The following BANF2 variants were observed in gnomAD, a reference collection of about 807,000 sequenced individuals.
BANF2 encodes the protein barrier-to-autointegration factor-like protein.
BANF2 carries 4 observed loss-of-function variants against 8.0 expected under a neutral mutation model. The ratio of observed to expected loss-of-function variants is 0.50; its 90% CI spans 0.25 to 1.14. The LOEUF (loss-of-function observed/expected upper bound fraction) is 1.14. Ranked by LOEUF, BANF2 falls within the 50% of genes most tolerant of loss-of-function variation. BANF2 has a pLI of 0.16. For synonymous variants in BANF2, 50 were observed against 40.6 expected, an observed-to-expected ratio of 1.23 and a Z score of -0.88; for missense variants, 96 against 107.5, an observed-to-expected ratio of 0.89 and a Z score of 0.47.
intron 1 of BANF2, among the ~76,000 whole-genome samples, chr20:17,714,656 A>G (rs193250531): frequency 2.4e-4 from 36 of 152,022 alleles, no homozygotes; most frequent in Admixed American, 2.6e-4. Flanking sequence ...CTGGGGCCAG[A>G]AGTTCTAGGG....
intron 1 of BANF2, chr20:17,712,604 G>A: frequency 1.1e-6 from 1 of 904,574 alleles, no homozygotes; most frequent in Non-Finnish European, 1.3e-6. Flanking sequence ...ACCTTCCCTG[G>A]GAGGGTAGTG....
At chr20:17,722,560 T>G (rs2037747580) in intron 1 of BANF2, among the ~76,000 whole-genome samples, 156 bp from the exon 2 acceptor site, 1 of 152,244 alleles carries the variant, frequency 6.6e-6, no homozygotes, top group African/African-American at 2.4e-5. Flanking sequence ...AACACCATCT[T>G]GTACTTACGA....
At chr20:17,729,701 C>T (rs951736871) in intron 3 of BANF2, among the ~76,000 whole-genome samples, 1 of 152,088 alleles carries the variant, frequency 6.6e-6, no homozygotes, top group African/African-American at 2.4e-5. Context: ...GCACCACTGC[C>T]CTCCAGTCTG....
chr20:17,701,323 G>A (rs2122565293), intron 1 of BANF2, among the ~76,000 whole-genome samples: 1 of 152,316 alleles, frequency 6.6e-6, no homozygotes, highest in African/African-American at 2.4e-5. Flanking sequence ...CACCAGCTAT[G>A]TTATTGCTCT....
intron 1 of BANF2, among the ~76,000 whole-genome samples, chr20:17,708,046 C>CAAA (rs1491179991): frequency 4.7e-4 from 52 of 111,760 alleles, no homozygotes; most frequent in South Asian, 6.5e-4. Context: ...TACTAAAAAT[C>CAAA]AAAAAAAAAA....
chr20:17,730,538 C>T (rs1433703216), intron 3 of BANF2, among the ~76,000 whole-genome samples: 1 of 152,210 alleles, frequency 6.6e-6, no homozygotes, highest in Non-Finnish European at 1.5e-5. Context: ...CACTTCCTTA[C>T]AGGCGGGGCT....
chr20:17,732,721 T>A (rs1426582692), intron 3 of BANF2, among the ~76,000 whole-genome samples: 1 of 152,206 alleles, frequency 6.6e-6, no homozygotes, highest in East Asian at 1.9e-4. Flanking sequence ...CCACGGCCAC[T>A]GTCCAGAGTG....
At chr20:17,697,761 G>A (rs753785837), upstream of BANF2, among the ~76,000 whole-genome samples, 8 of 152,028 alleles carry the variant, frequency 5.3e-5, no homozygotes, top group Non-Finnish European at 7.4e-5. Context: ...TTGAATATTC[G>A]TCCCCTCCAA....
chr20:17,707,744 T>C (rs1056017570), intron 1 of BANF2, among the ~76,000 whole-genome samples: 5 of 151,762 alleles, frequency 3.3e-5, no homozygotes, highest in African/African-American at 1.2e-4. Context: ...CACACCCGGC[T>C]AATTTTTTTG....
chr20:17,708,564 C>T (rs533204241), intron 1 of BANF2, among the ~76,000 whole-genome samples: 104 of 152,312 alleles, frequency 6.8e-4, no homozygotes, highest in African/African-American at 2.3e-3. Context: ...GTCAGCTACA[C>T]AGTCCATAGC....
intron 3 of BANF2, among the ~76,000 whole-genome samples, chr20:17,728,103 C>T (rs1262860753): frequency 6.6e-6 from 1 of 152,194 alleles, no homozygotes; most frequent in Non-Finnish European, 1.5e-5. Context: ...CCTCACGTGA[C>T]CTCCTGTCTT....
rs111598528 is a variant in BANF2 at position 17,735,545 on chromosome 20, C to T, written c.127-120C>T. On this transcript the variant is annotated intron_variant, in intron 3 of 3. Coordinates refer to ENST00000246090, the MANE Select transcript of BANF2 (RefSeq NM_178477.5). The stretch of plus-strand genomic sequence containing the variant: ...CAAGGACTGACAGGCTCCCTTGAAT[C>T]GGCCCTGCTCCCCCTCCTTTGATTG... 5.4e-4 allele frequency: 643 copies of T among 1,194,750 alleles called. 3 individuals are homozygous for T. In the African/African-American group the frequency reaches 8.2e-3, roughly 15 times the overall value. The allele number at this position is 1,194,750 out of a possible 1,614,324, so 74.0% of individuals were successfully genotyped here.
intron 1 of BANF2, among the ~76,000 whole-genome samples, chr20:17,701,094 T>C (rs571565456): frequency 6.6e-6 from 1 of 152,100 alleles, no homozygotes. Context: ...TAGTTTTATA[T>C]GTGATGGGCT....
chr20:17,723,990 C>A (rs2037767139), intron 2 of BANF2, among the ~76,000 whole-genome samples: 1 of 152,152 alleles, frequency 6.6e-6, no homozygotes, highest in African/African-American at 2.4e-5. Context: ...AGCGAAACTT[C>A]ATCACAAAAA....
intron 1 of BANF2, among the ~76,000 whole-genome samples, chr20:17,714,197 C>CAAAAAAAAAAAAAAA (rs11375517): frequency 1.3e-5 from 1 of 75,304 alleles, no homozygotes; most frequent in Non-Finnish European, 2.5e-5. Context: ...GAGACTCTGT[C>CAAAAAAAAAAAAAAA]AAAAAAAAAA....
At position 17,722,830 on chromosome 20, in the gene BANF2, G is replaced by A. The variant is rs775202733; in HGVS notation, c.-52G>A. On this transcript the variant is annotated 5_prime_UTR_variant, in exon 2 of 4. Coordinates refer to ENST00000246090, the MANE Select transcript of BANF2 (RefSeq NM_178477.5). ...AGTGTCTTCTGAAATGTTACAAAAC[G>A]TCCTTCAGAGCAAGAAGGCGTACAC... is the stretch of plus-strand genomic sequence containing the variant. 69 of 985,094 alleles carry A rather than the reference G, an allele frequency of 7.0e-5. No homozygotes were observed. The highest frequency in any genetic ancestry group is 8.7e-5 in the African/African-American group (5 of 57,190). The allele number at this position is 985,094 out of a possible 1,614,324, so 61.0% of individuals were successfully genotyped here. A position where few individuals can be genotyped will look rare whatever the true frequency, so the allele number is the denominator to read the frequency against.
chr20:17,729,891 C>T (rs2037867200), intron 3 of BANF2, among the ~76,000 whole-genome samples: 1 of 152,190 alleles, frequency 6.6e-6, no homozygotes, highest in Non-Finnish European at 1.5e-5. Context: ...CCTGTGAAAA[C>T]CCCACCTATG....
rs542500461 is a variant in BANF2 at position 17,707,121 on chromosome 20, C to T, written c.-167+7066C>T. Among the ~76,000 whole-genome samples the T allele has an allele frequency of 4.6e-5, 7 of 152,180 alleles. No individual in the cohort carries two copies. The South Asian group carries it at 8.3e-4, about 18-fold the overall frequency. On this transcript the variant is annotated intron_variant, in intron 1 of 3. Transcript: ENST00000246090. Reference sequence around the variant, plus strand: ...AATCCCAGCCGGGCGCAGTGGCTCACGCCTGTAATCCCAGCACTTTGGGAG... The same window carrying T: ...AATCCCAGCCGGGCGCAGTGGCTCATGCCTGTAATCCCAGCACTTTGGGAG...
chr20:17,698,285 C>T (rs927016700), upstream of BANF2, among the ~76,000 whole-genome samples: 5 of 152,140 alleles, frequency 3.3e-5, no homozygotes, highest in Admixed American at 6.5e-5. Flanking sequence ...CCATGTGATA[C>T]ACTGGCTCCC....
Sources: gnomAD v4.1 joint callset for allele counts (sites outside exome capture counted in the v4.1 genomes callset) on GRCh38, gnomAD v4.1.1 for gene constraint, MANE v1.5 for transcripts, NCBI Gene and HGNC (gene_info 2026-07-23, HGNC 2026-07-21) for gene names.